MACF1: variants seen among roughly 807,000 people sequenced by gnomAD.
The protein encoded by MACF1 is microtubule-actin cross-linking factor 1.
In MACF1, 193 loss-of-function variants were observed where a neutral mutation model predicts 854.8. The observed-to-expected ratio is 0.23, with a 90% CI of 0.20 to 0.25. The LOEUF is 0.25. Among genes scored for constraint, MACF1 ranks in the 10% least tolerant of loss-of-function variants. MACF1 has a pLI of 1.00. For missense variants in MACF1, 7,722 were observed against 8,929.1 expected (o/e 0.86, Z 5.45); for synonymous variants, 3,185 against 3,226.7 (o/e 0.99, Z 0.44).
chr1:39,328,991 C>T (rs990604868), intron 36 of MACF1, among the ~76,000 whole-genome samples: 2 of 152,162 alleles, frequency 1.3e-5, no homozygotes, highest in Admixed American at 6.5e-5. Flanking sequence ...TTTTCTTTGT[C>T]ATATTGTCTG....
rs1308606977 is a variant in MACF1, at chr1:39,442,284, C to T, written c.18912C>T (p.Leu6304=). 7.5e-6 allele frequency: 12 copies of T among 1,601,656 alleles called. No homozygotes were observed. Among genetic ancestry groups the T allele is most frequent in the Non-Finnish European group, 1.0e-5 (12 of 1,175,746 alleles). The stretch of plus-strand genomic sequence containing the variant: ...AACCACTGACAGAACTCAAACACCT[C>T]TGGGAGAACCTGGGTGAGAAAATTG... ...IREPLTELKH[L]WENLGEKIAH... The change falls in exon 76 of 101, where the codon CTC becomes CTT. Residue 6304 remains leucine, a synonymous_variant. Coordinates refer to ENST00000564288, the MANE Select transcript of MACF1 (RefSeq NM_001394062.1).
intron 58 of MACF1, among the ~76,000 whole-genome samples, chr1:39,399,977 T>C (rs1642414735): frequency 6.6e-6 from 1 of 152,242 alleles, no homozygotes; most frequent in South Asian, 2.1e-4. Flanking sequence ...GAGGTATATA[T>C]CCTTGTGTGT....
chr1:39,372,900 A>T (rs1322968505), intron 52 of MACF1: 3 of 295,324 alleles, frequency 1.0e-5, no homozygotes, highest in Non-Finnish European at 1.9e-5. Flanking sequence ...CCTTTTTTGA[A>T]TGTGTAAATG....
intron 2 of MACF1, among the ~76,000 whole-genome samples, chr1:39,180,979 C>A (rs1644097907): frequency 6.6e-6 from 1 of 152,206 alleles, no homozygotes; most frequent in South Asian, 2.1e-4. Flanking sequence ...CATCTCTGTT[C>A]ACTGCAGCCT....
At chr1:39,452,121 C>A in intron 85 of MACF1, 35 bp from the exon 86 acceptor site, 2 of 1,541,368 alleles carry the variant, frequency 1.3e-6, no homozygotes, top group Non-Finnish European at 8.8e-7. Context: ...CAAAACATTC[C>A]TTGAACAAAC....
intron 95 of MACF1, 127 bp from the exon 96 acceptor site, chr1:39,468,488 G>C: frequency 1.4e-6 from 1 of 704,590 alleles, no homozygotes; most frequent in Non-Finnish European, 2.3e-6. Flanking sequence ...ATGCAAAATT[G>C]TGAGAGTTAA....
In MACF1 at chr1:39,463,656, G is replaced by C. The variant is rs777374936; in HGVS notation, c.21723G>C (p.Gln7241His). 4 of 1,613,572 alleles carry C rather than the reference G, an allele frequency of 2.5e-6. No individual in the cohort carries two copies. The highest frequency in any genetic ancestry group is 1.7e-5 in the Admixed American group (1 of 59,994). ...AGTGCAAATGTGCAAAAAGGTTTCA[G>C]GTGGAGCAGATCGGAGAGAATAAAT... ...VAQCKCAKRF[Q>H]VEQIGENKYR... Residue 7241 changes from glutamine to histidine, a missense_variant, in exon 94 of 101, where the codon CAG (glutamine) becomes CAC (histidine). Physicochemically the swap from Gln to His is conservative, Grantham distance 24. Coordinates refer to ENST00000564288, the MANE Select transcript of MACF1 (RefSeq NM_001394062.1).
At chr1:39,369,139 C>A (rs939609880) in intron 50 of MACF1, among the ~76,000 whole-genome samples, 1 of 151,794 alleles carries the variant, frequency 6.6e-6, no homozygotes, top group Non-Finnish European at 1.5e-5. Flanking sequence ...TGCCCAGACC[C>A]CCTGCTTGTT....
At chr1:39,162,173 T>C (rs1300093011) in intron 2 of MACF1, among the ~76,000 whole-genome samples, 1 of 152,010 alleles carries the variant, frequency 6.6e-6, no homozygotes, top group African/African-American at 2.4e-5. Flanking sequence ...GCTAATTTTT[T>C]GTATTTTTAG....
chr1:39,157,010 C>T (rs565969942), intron 2 of MACF1, among the ~76,000 whole-genome samples: 12 of 151,528 alleles, frequency 7.9e-5, no homozygotes, highest in African/African-American at 2.9e-4. Context: ...TGCTCTGTCA[C>T]CCAGGCTGGA....
intron 2 of MACF1, among the ~76,000 whole-genome samples, chr1:39,236,747 T>C (rs1644863906): frequency 6.6e-6 from 1 of 152,134 alleles, no homozygotes; most frequent in South Asian, 2.1e-4. Context: ...CTGCAACCTC[T>C]GCCTCCTGGG....
chr1:39,371,751 C>CT (rs1398514768), intron 51 of MACF1, among the ~76,000 whole-genome samples: 2 of 150,900 alleles, frequency 1.3e-5, no homozygotes, highest in African/African-American at 2.4e-5. Flanking sequence ...GTTACCATTT[C>CT]TTTTTTTATC....
chr1:39,408,989 G>A (rs1383596452), intron 58 of MACF1, among the ~76,000 whole-genome samples: 1 of 151,340 alleles, frequency 6.6e-6, no homozygotes, highest in Non-Finnish European at 1.5e-5. Flanking sequence ...CGCGTCGCGC[G>A]CTCCCTGGCT....
intron 68 of MACF1, 62 bp from the exon 69 acceptor site, chr1:39,434,352 T>C: frequency 2.1e-6 from 2 of 965,316 alleles, no homozygotes; most frequent in Non-Finnish European, 3.1e-6. Context: ...ATACCTACTT[T>C]TTTTCTTAAG....
At chr1:39,385,399 C>T in intron 56 of MACF1, 35 bp from the exon 57 acceptor site, 1 of 1,599,320 alleles carries the variant, frequency 6.3e-7, no homozygotes, top group South Asian at 1.1e-5. Flanking sequence ...CTGTTTTTTT[C>T]CTGTCTAAAC....
rs201874382 is a variant in MACF1 at position 39,411,790 on chromosome 1, C to T, written c.15817-10584C>T. On this transcript the variant is annotated intron_variant, in intron 58 of 100. Coordinates refer to ENST00000564288, the MANE Select transcript of MACF1 (RefSeq NM_001394062.1). ...TGCAGAAAATTTACTCGTAATTAGT[C>T]ATTTTTCAGGGGCTGCCTTAGAAAA... 2.1e-4 allele frequency: 340 copies of T among 1,613,684 alleles called. No homozygotes were observed. The highest frequency in any genetic ancestry group is 2.8e-4 in the Non-Finnish European group (333 of 1,179,864).
intron 4 of MACF1, chr1:39,254,091 T>C (rs1645072104): frequency 1.8e-6 from 1 of 556,256 alleles, no homozygotes; most frequent in Non-Finnish European, 3.2e-6. Context: ...TGCGTAGTGG[T>C]ACACAAGACA....
rs768528480 is a variant in MACF1, at chr1:39,411,355, A to C, written c.15817-11019A>C. ...CAGCCTGGCAGATATTTTTGAAGAA[A>C]GAGAACAAGCAAACACAGCAGTGGT... On this transcript the variant is annotated intron_variant, in intron 58 of 100. Coordinates refer to ENST00000564288, the MANE Select transcript of MACF1 (RefSeq NM_001394062.1). The C allele has an allele frequency of 3.1e-6, 5 of 1,614,036 alleles. No homozygotes were observed. In the South Asian group the frequency reaches 5.5e-5, roughly 18 times the overall value.
intron 58 of MACF1, chr1:39,411,834 T>G (rs1187085044): frequency 1.2e-6 from 2 of 1,613,870 alleles, no homozygotes; most frequent in Non-Finnish European, 1.7e-6. Context: ...ATTTAGGCCT[T>G]TTACATGTAA....
Sources: gnomAD v4.1 joint callset for allele counts (sites outside exome capture counted in the v4.1 genomes callset) on GRCh38, gnomAD v4.1.1 for gene constraint, MANE v1.5 for transcripts, NCBI Gene and HGNC (gene_info 2026-07-23, HGNC 2026-07-21) for gene names.